Variants in KANSL3 observed in about 807,000 individuals in gnomAD.
The protein encoded by KANSL3 is NSL complex protein NSL3.
A neutral mutation model predicts 89.2 loss-of-function variants in KANSL3; 16 were observed. The observed-to-expected ratio is 0.18, with a 90% confidence interval of 0.12 to 0.27. KANSL3 has a LOEUF of 0.27. Ranked by LOEUF, KANSL3 falls within the 10% of genes least tolerant of loss-of-function variation. The pLI is 1.00. For missense variants in KANSL3, 879 were observed against 1,110.6 expected, an observed-to-expected ratio of 0.79 and a Z score of 2.96; for synonymous variants, 385 against 419.7, an observed-to-expected ratio of 0.92 and a Z score of 1.01.
the KANSL3 span, among the ~76,000 whole-genome samples, chr2:96,584,503 A>G: frequency 2.6e-5 from 4 of 152,248 alleles, no homozygotes; most frequent in Non-Finnish European, 5.9e-5. Flanking sequence ...TTGAAAATCT[A>G]TAATAAATTG....
At position 96,609,529 on chromosome 2, in the gene KANSL3, C is replaced by A. The variant is rs567286176; in HGVS notation, c.1353G>T (p.Leu451Phe). Residue 451 changes from leucine to phenylalanine, a missense_variant, in exon 12 of 21, where the codon TTG becomes TTT. Around this residue, in one of 6 missense-constraint regions of KANSL3, gnomAD observed 198 missense variants for 260.3 expected, o/e 0.76. Coordinates refer to ENST00000431828, the MANE Select transcript of KANSL3 (RefSeq NM_001115016.3). ...TACATCTGTCCACCATGCTCTGAGT[C>A]AACCCTTCTGATTTCTTCTTTGCTT... ...ISKAKKKSEG[L>F]TQSMVDRCIQ... 2 of 1,613,938 alleles carry A rather than the reference C, an allele frequency of 1.2e-6. No individual in the cohort carries two copies. The highest frequency in any genetic ancestry group is 2.2e-5 in the South Asian group (2 of 91,058).
rs751344028 is a variant in KANSL3 at position 96,602,247 on chromosome 2, G to T, written c.2351C>A (p.Thr784Asn). 1 of 1,612,156 alleles carries T rather than the reference G, an allele frequency of 6.2e-7. No homozygotes were observed. Among genetic ancestry groups the T allele is most frequent in the Non-Finnish European group, 8.5e-7 (1 of 1,179,282 alleles). ...STIVRTIPVA[T>N]TLSSLGATPG... ...AGTGGCACCCAAGGAGGAGAGAGTGGTGGCCACAGGAATGGTACGGACAAT... is the reference window on the plus strand; with the variant it reads ...AGTGGCACCCAAGGAGGAGAGAGTGTTGGCCACAGGAATGGTACGGACAAT... The change falls in exon 19 of 21, where the codon ACC becomes AAC. Residue 784 changes from threonine to asparagine, a missense_variant. Physicochemically the swap from Thr to Asn is moderately conservative, Grantham distance 65 (BLOSUM62 0). Coordinates refer to ENST00000431828, the MANE Select transcript of KANSL3 (RefSeq NM_001115016.3).
intron 3 of KANSL3, chr2:96,628,390 C>T (rs753711700): frequency 7.8e-5 from 28 of 360,562 alleles, no homozygotes; most frequent in Non-Finnish European, 1.0e-4. Flanking sequence ...GTGGCTCACA[C>T]CTATAATCCT....
Position 96,611,903 on chromosome 2 carries a change from A to ATATGTGTGTGTGTGTGTGTGTG in KANSL3, c.1086+378_1086+379insCACACACACACACACACACATA, listed in dbSNP as rs376030964. Reference sequence around the variant, plus strand: ...TTTTTTTCCACAGATATATACCCATATGTGTGTGTGTGTGTGTGTGTGTGT... The same window carrying ATATGTGTGTGTGTGTGTGTGTG: ...TTTTTTTCCACAGATATATACCCATATATGTGTGTGTGTGTGTGTGTGTGTGTGTGTGTGTGTGTGTGTGTGT... On this transcript the variant is annotated intron_variant, in intron 9 of 20. Coordinates refer to ENST00000431828, the MANE Select transcript of KANSL3 (RefSeq NM_001115016.3). Among the ~76,000 whole-genome samples the ATATGTGTGTGTGTGTGTGTGTG allele has an allele frequency of 9.2e-4, 104 of 113,324 alleles. 2 individuals are homozygous for ATATGTGTGTGTGTGTGTGTGTG. The highest frequency in any genetic ancestry group is 3.5e-3 in the South Asian group (10 of 2,832). The allele number at this position is 113,324 out of a possible 152,430, so 74.3% of individuals were successfully genotyped here.
chr2:96,600,759 T>C, intron 20 of KANSL3: 1 of 985,432 alleles, frequency 1.0e-6, no homozygotes, highest in Non-Finnish European at 1.2e-6. Flanking sequence ...ACAGGGGAAA[T>C]TAGATCAGCT....
chr2:96,629,509 A>T (rs1285255079), intron 3 of KANSL3, among the ~76,000 whole-genome samples: 1 of 152,168 alleles, frequency 6.6e-6, no homozygotes, highest in Non-Finnish European at 1.5e-5. Flanking sequence ...TTTAGCAGAG[A>T]CAGAGTTTCT....
intron 3 of KANSL3, among the ~76,000 whole-genome samples, chr2:96,621,555 G>T (rs1413374272): frequency 6.6e-6 from 1 of 151,630 alleles, no homozygotes; most frequent in Admixed American, 6.6e-5. Flanking sequence ...AGGCGTGGTA[G>T]CATGTGCCTG....
downstream of KANSL3, among the ~76,000 whole-genome samples, chr2:96,591,027 C>T (rs543302041): frequency 9.9e-5 from 15 of 152,084 alleles, no homozygotes; most frequent in African/African-American, 3.4e-4. Context: ...CAAAACAAAA[C>T]CACTGCACAC....
intron 3 of KANSL3, among the ~76,000 whole-genome samples, chr2:96,624,148 TG>T (rs1037594179): frequency 3.9e-5 from 6 of 152,330 alleles, no homozygotes; most frequent in Admixed American, 3.3e-4. Flanking sequence ...CAGGATGCCT[TG>T]GAACTGGGAA....
chr2:96,583,535 C>A, the KANSL3 span, among the ~76,000 whole-genome samples: 1 of 152,114 alleles, frequency 6.6e-6, no homozygotes, highest in African/African-American at 2.4e-5. Context: ...TCTTTTGGGT[C>A]CAGCTTCTGC....
At chr2:96,606,438 G>A (rs1017341375) in intron 14 of KANSL3, 10 of 152,840 alleles carry the variant, frequency 6.5e-5, no homozygotes, top group African/African-American at 2.2e-4. Context: ...GGTGTGGGGA[G>A]GAAGGTAGCA....
At chr2:96,634,611 T>C (rs1205711114) in intron 2 of KANSL3, among the ~76,000 whole-genome samples, 2 of 152,230 alleles carry the variant, frequency 1.3e-5, no homozygotes, top group East Asian at 3.8e-4. Context: ...CCAAATACTA[T>C]GCCAAACAAA....
At chr2:96,627,843 C>G in intron 3 of KANSL3, 1 of 1,140,210 alleles carries the variant, frequency 8.8e-7, no homozygotes, top group South Asian at 1.3e-5. Flanking sequence ...GGGACAGGGT[C>G]ATAAAATGGT....
At chr2:96,601,914 C>T in intron 19 of KANSL3, 138 bp from the exon 20 acceptor site, 1 of 1,347,434 alleles carries the variant, frequency 7.4e-7, no homozygotes, top group Non-Finnish European at 9.9e-7. Context: ...TATGCCCTAT[C>T]AGTCAATCTG....
At chr2:96,595,846 T>C (rs945105724) in intron 20 of KANSL3, among the ~76,000 whole-genome samples, 6 of 152,248 alleles carry the variant, frequency 3.9e-5, no homozygotes, top group Non-Finnish European at 8.8e-5. Context: ...TTCCACTTTT[T>C]AAGGCAAGTG....
chr2:96,582,660 G>C, the KANSL3 span, among the ~76,000 whole-genome samples: 1 of 152,174 alleles, frequency 6.6e-6, no homozygotes, highest in Non-Finnish European at 1.5e-5. Context: ...CTCTGGGTCA[G>C]TCTCAATTGA....
At chr2:96,589,995 A>C (rs1445141316), downstream of KANSL3, among the ~76,000 whole-genome samples, 1 of 137,426 alleles carries the variant, frequency 7.3e-6, no homozygotes, top group Non-Finnish European at 1.6e-5. Context: ...CTAAAAATAC[A>C]AAAAAAAAAA....
At chr2:96,611,030 A>C in intron 10 of KANSL3, 34 bp downstream of exon 10, 1 of 1,608,068 alleles carries the variant, frequency 6.2e-7, no homozygotes, top group Non-Finnish European at 8.5e-7. Flanking sequence ...TCCCACTGCC[A>C]ATGACCCAGC....
intron 20 of KANSL3, among the ~76,000 whole-genome samples, 196 bp from the exon 21 acceptor site, chr2:96,595,827 G>C (rs1293119746): frequency 6.6e-6 from 1 of 152,212 alleles, no homozygotes; most frequent in Admixed American, 6.5e-5. Flanking sequence ...TAGAGTGAGA[G>C]ACTCAACTTT....
Sources: gnomAD v4.1 joint callset for allele counts (sites outside exome capture counted in the v4.1 genomes callset) on GRCh38, gnomAD v4.1.1 for gene constraint, gnomAD v4.1.1 regional missense constraint, MANE v1.5 for transcripts, NCBI Gene and HGNC (gene_info 2026-07-23, HGNC 2026-07-21) for gene names.